Variants in ZBTB20 observed in about 807,000 individuals in gnomAD.
ZBTB20 encodes the protein zinc finger and BTB domain containing 20.
A neutral mutation model predicts 56.9 loss-of-function variants in ZBTB20; 9 were observed. That is an observed-to-expected ratio of 0.16 (90% CI 0.10 to 0.28). The LOEUF is 0.28. ZBTB20 is among the 10% of genes least tolerant of loss of function. The pLI, the probability that ZBTB20 is intolerant of heterozygous loss-of-function variation, is 1.00. For missense variants in ZBTB20, 655 were observed against 1,003.0 expected (o/e 0.65, Z 4.69); for synonymous variants, 417 against 420.7 (o/e 0.99, Z 0.11).
chr3:114,921,839 T>C (rs2075972533), intron 3 of ZBTB20, among the ~76,000 whole-genome samples: 1 of 152,106 alleles, frequency 6.6e-6, no homozygotes, highest in Non-Finnish European at 1.5e-5. Flanking sequence ...GTTGTGCACA[T>C]GTACCCTAGA....
chr3:114,637,201 C>A (rs949844207), intron 6 of ZBTB20, among the ~76,000 whole-genome samples: 4 of 151,956 alleles, frequency 2.6e-5, no homozygotes, highest in Non-Finnish European at 5.9e-5. Flanking sequence ...AGAACAAAAA[C>A]TGAATAATTG....
At chr3:115,142,775 A>G (rs1205001551) in intron 1 of ZBTB20, among the ~76,000 whole-genome samples, 2 of 152,188 alleles carry the variant, frequency 1.3e-5, no homozygotes, top group African/African-American at 4.8e-5. Flanking sequence ...GTATACAAAT[A>G]GCCAGAGGCA....
At chr3:114,760,270 A>G (rs369494924) in intron 5 of ZBTB20, among the ~76,000 whole-genome samples, 2 of 152,210 alleles carry the variant, frequency 1.3e-5, no homozygotes, top group African/African-American at 4.8e-5. Flanking sequence ...ATTGGAGATA[A>G]GTAAAGCACA....
intron 7 of ZBTB20, among the ~76,000 whole-genome samples, chr3:114,443,782 C>A (rs1331659106): frequency 4.6e-5 from 7 of 152,130 alleles, no homozygotes; most frequent in African/African-American, 1.7e-4. Context: ...TTCTGCTAAG[C>A]ACTTTATATA....
At chr3:115,070,492 C>T (rs890390480) in intron 2 of ZBTB20, among the ~76,000 whole-genome samples, 3 of 152,036 alleles carry the variant, frequency 2.0e-5, no homozygotes, top group African/African-American at 7.2e-5. Flanking sequence ...TGGCCAGAAG[C>T]AGGAATAACC....
At chr3:114,442,384 C>T (rs534023109) in intron 7 of ZBTB20, among the ~76,000 whole-genome samples, 152 of 152,294 alleles carry the variant, frequency 1.0e-3, no homozygotes, top group African/African-American at 3.2e-3. Flanking sequence ...TACTGTCTCT[C>T]TAGAGGAATA....
chr3:114,954,131 T>C (rs2077168218), intron 3 of ZBTB20, among the ~76,000 whole-genome samples: 2 of 152,142 alleles, frequency 1.3e-5, no homozygotes, highest in African/African-American at 2.4e-5. Flanking sequence ...AACAGGCTTG[T>C]TACTTTGTTT....
At chr3:115,117,912 T>C (rs1338461721) in intron 1 of ZBTB20, among the ~76,000 whole-genome samples, 1 of 152,210 alleles carries the variant, frequency 6.6e-6, no homozygotes, top group African/African-American at 2.4e-5. Context: ...ACACTCTATC[T>C]CTAGGTGTAT....
chr3:114,870,380 G>A (rs1576175107), intron 4 of ZBTB20, among the ~76,000 whole-genome samples: 1 of 149,802 alleles, frequency 6.7e-6, no homozygotes, highest in African/African-American at 2.5e-5. Context: ...CAAGAAATTA[G>A]GGCCATCTTG....
intron 2 of ZBTB20, among the ~76,000 whole-genome samples, chr3:115,051,823 C>T (rs2081560858): frequency 6.6e-6 from 1 of 152,144 alleles, no homozygotes; most frequent in African/African-American, 2.4e-5. Flanking sequence ...AATAGTTCCA[C>T]AGGCTGTACA....
chr3:115,006,147 C>A (rs1385535256), intron 2 of ZBTB20, among the ~76,000 whole-genome samples: 4 of 151,678 alleles, frequency 2.6e-5, no homozygotes, highest in Non-Finnish European at 5.9e-5. Flanking sequence ...TCAACAGAAA[C>A]ACCACCTCTT....
At chr3:114,416,320 A>G (rs1225680125) in intron 7 of ZBTB20, among the ~76,000 whole-genome samples, 1 of 46,920 alleles carries the variant, frequency 2.1e-5, no homozygotes, top group African/African-American at 4.8e-5. Flanking sequence ...ATTCCTTAGC[A>G]ATACTTAAAA....
At chr3:114,565,840 C>T (rs1178878037) in intron 6 of ZBTB20, among the ~76,000 whole-genome samples, 2 of 152,090 alleles carry the variant, frequency 1.3e-5, no homozygotes, top group African/African-American at 2.4e-5. Flanking sequence ...TCCAGTACTG[C>T]TCATTCCCAG....
chr3:115,083,884 T>TATCCTACTCTACA (rs2082887060), intron 1 of ZBTB20, among the ~76,000 whole-genome samples: 1 of 151,956 alleles, frequency 6.6e-6, no homozygotes, highest in Non-Finnish European at 1.5e-5. Flanking sequence ...TTAAAATATA[T>TATCCTACTCTACA]GACATTGGTA....
At chr3:115,018,147 A>G (rs1373190020) in intron 2 of ZBTB20, among the ~76,000 whole-genome samples, 2 of 151,472 alleles carry the variant, frequency 1.3e-5, no homozygotes, top group African/African-American at 4.8e-5. Context: ...ATTTTCCATT[A>G]GTAAAGAAGA....
intron 10 of ZBTB20, chr3:114,357,371 T>C (rs1284482054): frequency 6.6e-6 from 1 of 152,254 alleles, no homozygotes; most frequent in African/African-American, 2.4e-5. Context: ...TGTGCTTTTT[T>C]AGTCACTACT....
intron 5 of ZBTB20, among the ~76,000 whole-genome samples, chr3:114,766,524 TGTG>T (rs2068804770): frequency 6.6e-6 from 1 of 151,288 alleles, no homozygotes; most frequent in African/African-American, 2.4e-5. Context: ...TGTGTGTGTG[TGTG>T]TGTATAAGCT....
intron 1 of ZBTB20, among the ~76,000 whole-genome samples, chr3:115,109,288 C>A (rs1388904307): frequency 6.6e-6 from 1 of 152,032 alleles, no homozygotes; most frequent in Non-Finnish European, 1.5e-5. Flanking sequence ...AAATAAAAGT[C>A]ACAGAGAAGA....
intron 3 of ZBTB20, among the ~76,000 whole-genome samples, chr3:114,931,916 T>C (rs1378434353): frequency 6.6e-6 from 1 of 152,184 alleles, no homozygotes; most frequent in Non-Finnish European, 1.5e-5. Context: ...ATTAACACCA[T>C]ATAATACAAA....
Sources: gnomAD v4.1 joint callset for allele counts (sites outside exome capture counted in the v4.1 genomes callset) on GRCh38, gnomAD v4.1.1 for gene constraint, MANE v1.5 for transcripts, NCBI Gene and HGNC (gene_info 2026-07-23, HGNC 2026-07-21) for gene names.